SLCO1A2: variants seen among roughly 807,000 people sequenced by gnomAD.
SLCO1A2 encodes OATP-1.
SLCO1A2 carries 67 observed loss-of-function variants against 69.0 expected under a neutral mutation model. The observed-to-expected ratio is 0.97, with a 90% CI of 0.80 to 1.19. The LOEUF (loss-of-function observed/expected upper bound fraction) is 1.19. Ranked by LOEUF, SLCO1A2 falls within the 50% of genes most tolerant of loss-of-function variation. The pLI, the probability that SLCO1A2 is intolerant of heterozygous loss-of-function variation, is 0.00. For missense variants in SLCO1A2, 787 were observed against 793.7 expected, an observed-to-expected ratio of 0.99 and a Z score of 0.10; for synonymous variants, 260 against 265.9, an observed-to-expected ratio of 0.98 and a Z score of 0.22.
intron 1 of SLCO1A2, among the ~76,000 whole-genome samples, chr12:21,403,822 G>T (rs1941778547): frequency 7.1e-6 from 1 of 141,326 alleles, no homozygotes; most frequent in South Asian, 2.2e-4. Context: ...ACTAAACTTT[G>T]CTGAGCCTCA....
rs1463904724 is a variant in SLCO1A2 at position 21,268,901 on chromosome 12, A to T, written c.*647T>A. ...AAAATCCAACAATCTTTGCCTCATG[A>T]TGTTTAATAACCTGCTTAAGTTTGT... is the stretch of plus-strand genomic sequence containing the variant. On this transcript the variant is annotated 3_prime_UTR_variant, in exon 15 of 15. Coordinates refer to ENST00000683939, the MANE Select transcript of SLCO1A2 (RefSeq NM_001386879.1). 2.6e-5 allele frequency: 4 copies of T among 152,034 alleles called. No homozygotes were observed. Among genetic ancestry groups the T allele is most frequent in the Non-Finnish European group, 5.9e-5 (4 of 67,936 alleles). The allele number at this position is 152,034 out of a possible 1,614,324, so 9.4% of individuals were successfully genotyped here. A position where few individuals can be genotyped will look rare whatever the true frequency, so the allele number is the denominator to read the frequency against.
At chr12:21,291,651 T>C (rs1241391870) in intron 12 of SLCO1A2, among the ~76,000 whole-genome samples, 1 of 152,200 alleles carries the variant, frequency 6.6e-6, no homozygotes, top group Admixed American at 6.5e-5. Context: ...TTTTAGAAAG[T>C]CTTTCAGCAT....
chr12:21,382,138 T>C (rs1940624599), intron 1 of SLCO1A2, among the ~76,000 whole-genome samples: 1 of 152,206 alleles, frequency 6.6e-6, no homozygotes, highest in African/African-American at 2.4e-5. Context: ...TATGGGATAC[T>C]ACTCAGCCAT....
chr12:21,297,889 C>T (rs932158298), intron 8 of SLCO1A2, among the ~76,000 whole-genome samples: 2 of 152,130 alleles, frequency 1.3e-5, no homozygotes, highest in Non-Finnish European at 2.9e-5. Flanking sequence ...CATTTTATTA[C>T]TAACCTTTTG....
chr12:21,370,428 A>G (rs1396887278), intron 2 of SLCO1A2, among the ~76,000 whole-genome samples: 1 of 149,358 alleles, frequency 6.7e-6, no homozygotes, highest in Non-Finnish European at 1.5e-5. Flanking sequence ...TGCTGCACCC[A>G]TCAACTCGTC....
intron 5 of SLCO1A2, 144 bp downstream of exon 5, chr12:21,306,738 T>C: frequency 1.8e-6 from 1 of 542,420 alleles, no homozygotes; most frequent in Non-Finnish European, 3.3e-6. Context: ...TTATTGCCCA[T>C]TGTAACTCCT....
chr12:21,408,082 G>A (rs1941851048), intron 1 of SLCO1A2, among the ~76,000 whole-genome samples: 1 of 152,112 alleles, frequency 6.6e-6, no homozygotes, highest in East Asian at 1.9e-4. Context: ...CTCAGATAAG[G>A]AGTTGTTAAG....
chr12:21,355,051 C>G (rs944167113), intron 2 of SLCO1A2: 1 of 152,098 alleles, frequency 6.6e-6, no homozygotes, highest in Non-Finnish European at 1.5e-5. Context: ...TTCAAAAATA[C>G]ACTAAATCAC....
At position 21,380,415 on chromosome 12, in the gene SLCO1A2, G is replaced by C. The variant is rs186485998; in HGVS notation, c.-189-5890C>G. ...GGTGCTAGAGATTAAAACATAGTTA[G>C]AGTGACTCTATAACACAAAGGTTAT... is the stretch of plus-strand genomic sequence containing the variant. On this transcript the variant is annotated intron_variant, in intron 1 of 15. Transcript: ENST00000307378. 4.2e-4 allele frequency among the ~76,000 whole-genome samples: 64 copies of C among 152,256 alleles called. No individual in the cohort carries two copies. The East Asian group carries it at 0.011, about 26-fold the overall frequency.
At chr12:21,303,833 CTG>C (rs1949021293) in intron 6 of SLCO1A2, among the ~76,000 whole-genome samples, 2 of 152,030 alleles carry the variant, frequency 1.3e-5, no homozygotes, top group Non-Finnish European at 2.9e-5. Context: ...AGAAGAGAAA[CTG>C]TATAGAAACT....
At chr12:21,347,665 AAAGAAAGG>A (rs1279718961) in intron 2 of SLCO1A2, among the ~76,000 whole-genome samples, 1 of 6,388 alleles carries the variant, frequency 1.6e-4, no homozygotes, top group Non-Finnish European at 6.0e-4. Flanking sequence ...AAGAAGAAAG[AAAGAAAGG>A]AAGGAAGGAA....
chr12:21,412,463 A>G (rs1444278652), intron 1 of SLCO1A2, among the ~76,000 whole-genome samples: 2 of 152,178 alleles, frequency 1.3e-5, no homozygotes, highest in Non-Finnish European at 2.9e-5. Flanking sequence ...GTTACTTTGA[A>G]TGTTTATCAT....
chr12:21,390,594 A>G (rs1028901030), intron 1 of SLCO1A2, among the ~76,000 whole-genome samples: 1 of 152,064 alleles, frequency 6.6e-6, no homozygotes, highest in African/African-American at 2.4e-5. Context: ...TACTTGGATG[A>G]CATTTTGGAA....
At chr12:21,291,717 T>C (rs1946875537) in intron 12 of SLCO1A2, among the ~76,000 whole-genome samples, 1 of 152,162 alleles carries the variant, frequency 6.6e-6, no homozygotes, top group South Asian at 2.1e-4. Context: ...ATGCCCATTA[T>C]TATTAAAGAA....
intron 1 of SLCO1A2, among the ~76,000 whole-genome samples, chr12:21,390,724 T>C (rs1389530385): frequency 6.6e-6 from 1 of 152,178 alleles, no homozygotes; most frequent in Non-Finnish European, 1.5e-5. Context: ...TTAGGCTTCC[T>C]AGAATTGACT....
rs1949474944 is a variant in SLCO1A2, at chr12:21,306,872, A to C, written c.442+10T>G. 6.3e-7 allele frequency: 1 copy of C among 1,597,116 alleles called. No individual in the cohort carries two copies. Among genetic ancestry groups the C allele is most frequent in the Non-Finnish European group, 8.6e-7 (1 of 1,165,014 alleles). ...CGCTGAACAAAAATCAATACAATGA[A>C]GTAGACAACCTGATGGATCCTGCGT... On this transcript the variant is annotated intron_variant, in intron 5 of 14. Transcript: ENST00000683939.
At chr12:21,283,722 A>G (rs916952425) in intron 12 of SLCO1A2, among the ~76,000 whole-genome samples, 1 of 151,962 alleles carries the variant, frequency 6.6e-6, no homozygotes, top group African/African-American at 2.4e-5. Context: ...AACTCTATAG[A>G]AAAAAAATCT....
At chr12:21,319,185 C>G (rs1030719079) in intron 2 of SLCO1A2, among the ~76,000 whole-genome samples, 1 of 152,184 alleles carries the variant, frequency 6.6e-6, no homozygotes, top group Admixed American at 6.5e-5. Context: ...TAGAAACAAA[C>G]AGTCATTCTA....
At chr12:21,356,485 G>GA (rs1391933780) in intron 2 of SLCO1A2, among the ~76,000 whole-genome samples, 1 of 149,340 alleles carries the variant, frequency 6.7e-6, no homozygotes, top group Non-Finnish European at 1.5e-5. Flanking sequence ...GGATACAAAA[G>GA]AAAAAAAGGG....
Sources: gnomAD v4.1 joint callset for allele counts (sites outside exome capture counted in the v4.1 genomes callset) on GRCh38, gnomAD v4.1.1 for gene constraint, MANE v1.5 for transcripts, NCBI Gene and HGNC (gene_info 2026-07-23, HGNC 2026-07-21) for gene names.